The following WRN variants were observed in gnomAD, a reference collection of about 807,000 sequenced individuals.
The protein encoded by WRN is bifunctional 3'-5' exonuclease/ATP-dependent helicase WRN.
WRN carries 149 observed loss-of-function variants against 180.7 expected under a neutral mutation model. The ratio of observed to expected loss-of-function variants is 0.82; its 90% CI spans 0.72 to 0.94. WRN has a LOEUF of 0.94. WRN is among the 40% of genes least tolerant of loss of function. The probability of loss-of-function intolerance (pLI) is 0.00; values close to 1 mark genes in which losing one functional copy is unlikely to be tolerated. For missense variants in WRN, 1,661 were observed against 1,700.1 expected (o/e 0.98, Z 0.40); for synonymous variants, 548 against 568.9 (o/e 0.96, Z 0.52).
intron 23 of WRN, among the ~76,000 whole-genome samples, chr8:31,125,454 G>A (rs890148349): frequency 2.8e-5 from 4 of 144,960 alleles, no homozygotes; most frequent in South Asian, 2.2e-4. Context: ...GGATAAAGAA[G>A]GATATTATAT....
In WRN at chr8:31,058,381, A is replaced by C; in HGVS notation, c.-67A>C. On this transcript the variant is annotated 5_prime_UTR_variant, in exon 2 of 35. Transcript: ENST00000298139. ...CAGTACTACCTCTCAGTTTTCTTTC[A>C]GATATTGTTTTGTATTTACCCATGA... 6.6e-6 allele frequency: 9 copies of C among 1,365,394 alleles called. No homozygotes were observed. Among genetic ancestry groups the C allele is most frequent in the Non-Finnish European group, 9.3e-6 (9 of 967,112 alleles). 84.6% of individuals were successfully genotyped at this position (1,365,394 alleles called of 1,614,324 possible).
intron 23 of WRN, among the ~76,000 whole-genome samples, chr8:31,130,043 A>G (rs1802099196): frequency 6.7e-6 from 1 of 150,262 alleles, no homozygotes; most frequent in African/African-American, 2.4e-5. Flanking sequence ...AAAACTAGTA[A>G]GAGGGCCCAG....
intron 2 of WRN, 27 bp downstream of exon 2, chr8:31,058,570 G>T (rs776465139): frequency 1.9e-6 from 3 of 1,599,446 alleles, no homozygotes; most frequent in Admixed American, 3.4e-5. Flanking sequence ...CTATTCTTTT[G>T]GGTGAGAAAT....
chr8:31,096,553 A>G (rs568453423), intron 16 of WRN, among the ~76,000 whole-genome samples: 1 of 152,310 alleles, frequency 6.6e-6, no homozygotes, highest in South Asian at 2.1e-4. Context: ...TGTAGTCTTT[A>G]GTGAGTCTTC....
chr8:31,172,675 G>C (rs1161045294), intron 34 of WRN, among the ~76,000 whole-genome samples: 2 of 152,070 alleles, frequency 1.3e-5, no homozygotes, highest in Non-Finnish European at 2.9e-5. Context: ...CACCATTTTG[G>C]TCAACTCAAA....
chr8:31,154,338 T>G (rs1371957024), intron 31 of WRN, among the ~76,000 whole-genome samples: 1 of 152,110 alleles, frequency 6.6e-6, no homozygotes, highest in Non-Finnish European at 1.5e-5. Flanking sequence ...GTAGTTCACA[T>G]TATAGTTCCT....
At chr8:31,157,632 TATGAA>T in intron 33 of WRN, 102 bp downstream of exon 33, 2 of 1,431,276 alleles carry the variant, frequency 1.4e-6, no homozygotes, top group Non-Finnish European at 1.9e-6. Flanking sequence ...TTTATGCTAT[TATGAA>T]AACCTTACTT....
chr8:31,103,896 G>A (rs1800981999), intron 18 of WRN, among the ~76,000 whole-genome samples: 1 of 151,856 alleles, frequency 6.6e-6, no homozygotes. Flanking sequence ...CACTGTGCCC[G>A]GCTAATTTTT....
intron 30 of WRN, among the ~76,000 whole-genome samples, chr8:31,149,851 G>T (rs1055851108): frequency 6.6e-6 from 1 of 152,072 alleles, no homozygotes; most frequent in African/African-American, 2.4e-5. Context: ...ATGGGTTCTT[G>T]GATATTGGAC....
rs368218312 is a variant in WRN, at chr8:31,122,378, T to G, written c.2630+1954T>G. On this transcript the variant is annotated intron_variant, in intron 21 of 34. Coordinates refer to ENST00000298139, the MANE Select transcript of WRN (RefSeq NM_000553.6). ...CTGGAAAGGTCAGTTACTCACAAAA[T>G]TTTTAGAGTCTATCTTATGCCATAA... is the stretch of plus-strand genomic sequence containing the variant. Among the ~76,000 whole-genome samples, 6 of 151,998 alleles carry G rather than the reference T, an allele frequency of 3.9e-5. No individual in the cohort carries two copies. The East Asian group carries it at 5.8e-4, about 15-fold the overall frequency.
chr8:31,117,309 C>T lies in WRN; in HGVS notation c.2448+781C>T, dbSNP rs867247352. The stretch of plus-strand genomic sequence containing the variant: ...TATAATCCTTGGAGTGCCGCAGAAT[C>T]ATTTGAAAACCATCTTGATGTACTA... On this transcript the variant is annotated intron_variant, in intron 20 of 34. Coordinates refer to ENST00000298139, the MANE Select transcript of WRN (RefSeq NM_000553.6). Among the ~76,000 whole-genome samples the T allele has an allele frequency of 9.3e-5, 14 of 151,106 alleles. 1 individual carries two copies. The highest frequency in any genetic ancestry group is 6.8e-3 in the Middle Eastern group (2 of 292).
chr8:31,168,759 T>C (rs1204748640), intron 34 of WRN, among the ~76,000 whole-genome samples: 2 of 152,230 alleles, frequency 1.3e-5, no homozygotes, highest in East Asian at 3.8e-4. Context: ...TCTTCTCTAC[T>C]GACCTGATTT....
chr8:31,080,859 T>C lies in WRN; in HGVS notation c.840-8T>C. On this transcript the variant is annotated splice_polypyrimidine_tract_variant and splice_region_variant and intron_variant, in intron 8 of 34. Transcript: ENST00000298139. The stretch of plus-strand genomic sequence containing the variant: ...AGTTGAATTAATCTTTCTTAATTTT[T>C]TTTTTAGGGTTTCTATCTTACTAAA... The C allele has an allele frequency of 6.3e-7, 1 of 1,590,592 alleles. No homozygotes were observed. The highest frequency in any genetic ancestry group is 8.6e-7 in the Non-Finnish European group (1 of 1,169,366).
chr8:31,062,366 A>T (rs1314484829), intron 3 of WRN, among the ~76,000 whole-genome samples: 2 of 151,124 alleles, frequency 1.3e-5, no homozygotes, highest in Non-Finnish European at 2.9e-5. Context: ...AATATAATAG[A>T]TATGCATATT....
At chr8:31,129,085 C>A (rs751476846) in intron 23 of WRN, among the ~76,000 whole-genome samples, 4 of 152,158 alleles carry the variant, frequency 2.6e-5, no homozygotes, top group Non-Finnish European at 5.9e-5. Flanking sequence ...TCAAGCAATT[C>A]TCTTGCCTCA....
chr8:31,096,908 C>T, intron 17 of WRN, 58 bp downstream of exon 17: 3 of 1,454,296 alleles, frequency 2.1e-6, no homozygotes, highest in Non-Finnish European at 2.9e-6. Context: ...TAAAGTTAAA[C>T]CTATGGATGG....
intron 19 of WRN, among the ~76,000 whole-genome samples, chr8:31,113,648 A>T (rs1801406711): frequency 6.6e-6 from 1 of 152,098 alleles, no homozygotes; most frequent in Non-Finnish European, 1.5e-5. Flanking sequence ...CCCTTATAAT[A>T]ACACTCTCCT....
At chr8:31,152,817 T>A (rs1714390576) in intron 31 of WRN, among the ~76,000 whole-genome samples, 1 of 152,110 alleles carries the variant, frequency 6.6e-6, no homozygotes, top group Admixed American at 6.5e-5. Flanking sequence ...GGCAGGCAGG[T>A]TACCTGAGGC....
intron 1 of WRN, among the ~76,000 whole-genome samples, chr8:31,042,218 A>G (rs756232873): frequency 1.3e-5 from 2 of 152,186 alleles, no homozygotes; most frequent in African/African-American, 4.8e-5. Flanking sequence ...GTAGGAATAA[A>G]TAGGTGGAGC....
Sources: gnomAD v4.1 joint callset for allele counts (sites outside exome capture counted in the v4.1 genomes callset) on GRCh38, gnomAD v4.1.1 for gene constraint, MANE v1.5 for transcripts, NCBI Gene and HGNC (gene_info 2026-07-23, HGNC 2026-07-21) for gene names.